SUPT20H: variants seen among roughly 807,000 people sequenced by gnomAD.
The protein encoded by SUPT20H is SPT20 homolog, SAGA complex component.
In SUPT20H, 82 loss-of-function variants were observed where a neutral mutation model predicts 122.8. That is an observed-to-expected ratio of 0.67 (90% CI 0.56 to 0.80). The LOEUF (loss-of-function observed/expected upper bound fraction) is 0.80. Among genes scored for constraint, SUPT20H ranks in the 30% least tolerant of loss-of-function variants. SUPT20H has a pLI of 0.00. For synonymous variants in SUPT20H, 291 were observed against 313.0 expected, an observed-to-expected ratio of 0.93 and a Z score of 0.74; for missense variants, 831 against 921.6, an observed-to-expected ratio of 0.90 and a Z score of 1.27.
At position 37,017,189 on chromosome 13, in the gene SUPT20H, C is replaced by T. The variant is rs559000065; in HGVS notation, c.1992+56G>A. The T allele has an allele frequency of 7.4e-6, 12 of 1,611,486 alleles. No homozygotes were observed. The South Asian group carries it at 1.2e-4, about 16-fold the overall frequency. ...GCAAATGAAGTATGCTTGGAATATA[C>T]CAAAAAATGTTATAAATTCGATGTA... On this transcript the variant is annotated intron_variant, in intron 23 of 25. Transcript: ENST00000350612.
chr13:37,047,809 GAATGC>G, intron 4 of SUPT20H, 64 bp downstream of exon 4: 1 of 1,451,140 alleles, frequency 6.9e-7, no homozygotes, highest in Non-Finnish European at 9.3e-7. Flanking sequence ...TCCCTACGAG[GAATGC>G]AATAAAAGGT....
chr13:37,015,171 TAAAAA>T (rs1197942737), intron 23 of SUPT20H, among the ~76,000 whole-genome samples: 1 of 113,024 alleles, frequency 8.8e-6, no homozygotes, highest in Admixed American at 8.6e-5. Context: ...TACATTAAAA[TAAAAA>T]AAAAAAAAAC....
chr13:37,024,551 T>C, intron 17 of SUPT20H, 109 bp from the exon 18 acceptor site: 2 of 732,410 alleles, frequency 2.7e-6, no homozygotes, highest in Non-Finnish European at 4.0e-6. Context: ...AATACTGCTA[T>C]AAATCCCAGA....
At chr13:37,049,923 A>G (rs1190785542) in intron 2 of SUPT20H, among the ~76,000 whole-genome samples, 1 of 152,146 alleles carries the variant, frequency 6.6e-6, no homozygotes, top group Non-Finnish European at 1.5e-5. Context: ...CTTATTTTGC[A>G]GATTCCAATA....
chr13:37,022,866 T>G lies in SUPT20H; in HGVS notation c.1592-786A>C. 2.8e-6 allele frequency: 3 copies of G among 1,083,452 alleles called. No individual in the cohort carries two copies. The highest frequency in any genetic ancestry group is 3.4e-6 in the Non-Finnish European group (3 of 878,792). The allele number at this position is 1,083,452 out of a possible 1,614,324, so 67.1% of individuals were successfully genotyped here. On this transcript the variant is annotated intron_variant, in intron 19 of 25. Coordinates refer to ENST00000350612, the MANE Select transcript of SUPT20H (RefSeq NM_001014286.3). This position sits in a 1 kb window ranked among gnomAD's most constrained non-coding sequence, Gnocchi z 4.5. ...AGTAATAAAGCAAATATCTGAGAGA[T>G]AATACTGCATCTTTAACAGTAACTG...
At position 37,055,380 on chromosome 13, in the gene SUPT20H, C is replaced by A. The variant is rs564428330; in HGVS notation, c.-93-3797G>T. The stretch of plus-strand genomic sequence containing the variant: ...GACTTCAAACTATACTACAAGGCTA[C>A]ATTAACCAAAACAGCATGGTACTTG... On this transcript the variant is annotated intron_variant, in intron 1 of 25. Coordinates refer to ENST00000350612, the MANE Select transcript of SUPT20H (RefSeq NM_001014286.3). Among the ~76,000 whole-genome samples the A allele has an allele frequency of 7.2e-5, 11 of 152,258 alleles. No homozygotes were observed. The South Asian group carries it at 2.3e-3, about 32-fold the overall frequency.
intron 13 of SUPT20H, 141 bp downstream of exon 13, chr13:37,029,624 T>G: frequency 1.6e-6 from 1 of 622,316 alleles, no homozygotes; most frequent in East Asian, 3.3e-5. Flanking sequence ...TTTCTTCTTG[T>G]AATAAACTGA....
chr13:37,044,650 TATC>T (rs1314823726), intron 6 of SUPT20H, among the ~76,000 whole-genome samples: 7 of 152,204 alleles, frequency 4.6e-5, no homozygotes, highest in East Asian at 1.9e-4. Flanking sequence ...GAATTCACAT[TATC>T]ATCATATTAA....
At chr13:37,029,460 T>G (rs57250865) in intron 13 of SUPT20H, among the ~76,000 whole-genome samples, 1 of 151,792 alleles carries the variant, frequency 6.6e-6, no homozygotes, top group Non-Finnish European at 1.5e-5. Flanking sequence ...ACCTGGGAAG[T>G]GGAAGAGGTT....
chr13:37,012,544 A>G (rs1199542100), intron 23 of SUPT20H: 7 of 272,768 alleles, frequency 2.6e-5, no homozygotes, highest in Admixed American at 2.0e-4. Context: ...GATAACGCCT[A>G]AGGCTTTTAT....
chr13:37,053,216 C>T (rs757478797), intron 1 of SUPT20H, among the ~76,000 whole-genome samples: 6 of 152,170 alleles, frequency 3.9e-5, no homozygotes, highest in South Asian at 2.1e-4. Context: ...GACACATACA[C>T]ACGTAACGTA....
At chr13:37,010,993 G>A (rs536214690) in intron 24 of SUPT20H, 44 of 174,880 alleles carry the variant, frequency 2.5e-4, no homozygotes, top group Non-Finnish European at 5.1e-4. Context: ...CAAAGTAGGA[G>A]AAGGGAGATG....
At chr13:37,050,437 T>C (rs1310572591) in intron 2 of SUPT20H, among the ~76,000 whole-genome samples, 1 of 151,928 alleles carries the variant, frequency 6.6e-6, no homozygotes, top group Non-Finnish European at 1.5e-5. Flanking sequence ...TGACTCCCAT[T>C]TTCCCTGATC....
intron 9 of SUPT20H, among the ~76,000 whole-genome samples, chr13:37,037,193 T>TTAA (rs1386672984): frequency 3.3e-5 from 1 of 30,056 alleles, no homozygotes; most frequent in Non-Finnish European, 7.1e-5. Flanking sequence ...TGACTCTGCC[T>TTAA]CAAAAAAAAA....
Position 37,029,810 on chromosome 13 carries a change from C to G in SUPT20H, c.948G>C (p.Lys316Asn). Residue 316 changes from lysine (K) to asparagine (N), a missense_variant, in exon 13 of 26, where the codon AAG (lysine) becomes AAC (asparagine). Coordinates refer to ENST00000350612, the MANE Select transcript of SUPT20H (RefSeq NM_001014286.3). Reference sequence around the variant, plus strand: ...GCTGTGAGTCATCAGATTTGATAGACTTTTCCACTTTAGCATATTTCTCCA... The same window carrying G: ...GCTGTGAGTCATCAGATTTGATAGAGTTTTCCACTTTAGCATATTTCTCCA... ...VDVEKYAKVE[K>N]SIKSDDSQPT... is the part of the protein sequence containing the mutation. 1.2e-6 allele frequency: 2 copies of G among 1,601,438 alleles called. No homozygotes were observed. Among genetic ancestry groups the G allele is most frequent in the Admixed American group, 1.7e-5 (1 of 57,548 alleles).
chr13:37,030,359 GA>G (rs2063079325), intron 12 of SUPT20H, among the ~76,000 whole-genome samples: 2 of 152,130 alleles, frequency 1.3e-5, no homozygotes, highest in South Asian at 4.1e-4. Context: ...GCATCTGTGT[GA>G]GTCAAATGTT....
intron 9 of SUPT20H, among the ~76,000 whole-genome samples, chr13:37,034,025 T>C (rs966277908): frequency 1.3e-5 from 2 of 152,224 alleles, no homozygotes; most frequent in African/African-American, 4.8e-5. Flanking sequence ...AAATGATGTA[T>C]GTTCTCTGAC....
intron 9 of SUPT20H, among the ~76,000 whole-genome samples, chr13:37,035,311 G>C (rs1233693064): frequency 6.6e-6 from 1 of 152,192 alleles, no homozygotes. Context: ...GGTCAAAATA[G>C]AAACATTAAT....
At position 37,017,357 on chromosome 13, in the gene SUPT20H, C is replaced by T. The variant is rs900217432; in HGVS notation, c.1880G>A (p.Gly627Asp). 2 of 1,609,044 alleles carry T rather than the reference C, an allele frequency of 1.2e-6. No homozygotes were observed. Among genetic ancestry groups the T allele is most frequent in the Non-Finnish European group, 1.7e-6 (2 of 1,178,592 alleles). Residue 627 changes from glycine to aspartate, a missense_variant, in exon 23 of 26, where the codon GGT (glycine) becomes GAT (aspartate). Transcript: ENST00000350612. Reference protein sequence around the residue: ...LRPLNLLQLPGGSLIFNTLQQ... With the variant: ...LRPLNLLQLPDGSLIFNTLQQ... ...CAGAGTGTTAAAAATAAGTGAACCA[C>T]CTGGAAGCTATTAAGAATTTAAACA... is the stretch of plus-strand genomic sequence containing the variant.
Sources: gnomAD v4.1 joint callset for allele counts (sites outside exome capture counted in the v4.1 genomes callset) on GRCh38, gnomAD v4.1.1 for gene constraint, Gnocchi (gnomAD v3.1) non-coding constraint, MANE v1.5 for transcripts, NCBI Gene and HGNC (gene_info 2026-07-23, HGNC 2026-07-21) for gene names.